Variants in UTRN observed in about 807,000 individuals in gnomAD.
UTRN encodes dystrophin-related protein 1.
UTRN carries 283 observed loss-of-function variants against 463.9 expected under a neutral mutation model. That is an observed-to-expected ratio of 0.61 (90% CI 0.55 to 0.67). The LOEUF is 0.67. Ranked by LOEUF, UTRN falls within the 30% of genes least tolerant of loss-of-function variation. UTRN has a pLI of 0.00. For missense variants in UTRN, 3,922 were observed against 4,084.3 expected (o/e 0.96, Z 1.08); for synonymous variants, 1,442 against 1,431.5 (o/e 1.01, Z -0.17).
At chr6:144,678,336 A>G (rs976689784) in intron 51 of UTRN, 70 bp from the exon 52 acceptor site, 12 of 1,444,242 alleles carry the variant, frequency 8.3e-6, no homozygotes, top group Non-Finnish European at 1.1e-5. Context: ...CTTGAGAGCA[A>G]CTCATCTGTG....
At chr6:144,701,628 C>T (rs576896997) in intron 53 of UTRN, among the ~76,000 whole-genome samples, 5 of 152,210 alleles carry the variant, frequency 3.3e-5, no homozygotes, top group African/African-American at 1.2e-4. Flanking sequence ...GTATTTTTCA[C>T]TCCTCCCATG....
At chr6:144,586,570 A>C (rs1315548638) in intron 51 of UTRN, among the ~76,000 whole-genome samples, 1 of 152,096 alleles carries the variant, frequency 6.6e-6, no homozygotes, top group Non-Finnish European at 1.5e-5. Context: ...TATTGAATTT[A>C]ATTTGTTTTT....
Position 144,678,504 on chromosome 6 carries a change from T to C in UTRN, c.7578T>C (p.Ala2526=), listed in dbSNP as rs778026799. The C allele has an allele frequency of 3.7e-6, 6 of 1,613,282 alleles. No individual in the cohort carries two copies. Among genetic ancestry groups the C allele is most frequent in the Non-Finnish European group, 3.4e-6 (4 of 1,179,566 alleles). The change falls in exon 52 of 75, where the codon GCT becomes GCC. Residue 2526 remains alanine (A), a synonymous_variant. Transcript: ENST00000367545. ...AAGCTTTGGGAAATTCTGAAGAGGCTACTATGCTTCAACATCGACTGGATG... is the reference window on the plus strand; with the variant it reads ...AAGCTTTGGGAAATTCTGAAGAGGCCACTATGCTTCAACATCGACTGGATG... The part of the protein sequence containing the change: ...MVKALGNSEE[A]TMLQHRLDDM...
intron 64 of UTRN, chr6:144,799,539 T>C (rs1777535496): frequency 2.1e-6 from 1 of 470,696 alleles, no homozygotes; most frequent in South Asian, 1.6e-5. Flanking sequence ...CTGGTAGACA[T>C]AGATGTATGG....
intron 2 of UTRN, among the ~76,000 whole-genome samples, chr6:144,317,919 T>C (rs1775385898): frequency 6.6e-6 from 1 of 152,268 alleles, no homozygotes; most frequent in Non-Finnish European, 1.5e-5. Context: ...TTCTGGGCTT[T>C]GTTCTGTCCT....
intron 58 of UTRN, among the ~76,000 whole-genome samples, chr6:144,758,495 T>C (rs970939132): frequency 3.9e-5 from 6 of 152,142 alleles, no homozygotes; most frequent in Non-Finnish European, 7.4e-5. Flanking sequence ...AAGTGAAATA[T>C]TGTCAAGTTT....
intron 66 of UTRN, among the ~76,000 whole-genome samples, chr6:144,825,876 A>G (rs1243356238): frequency 1.3e-5 from 2 of 151,786 alleles, no homozygotes; most frequent in African/African-American, 2.4e-5. Flanking sequence ...TATTTTACAC[A>G]TATGTAAATT....
chr6:144,590,015 C>T (rs1436105141), intron 51 of UTRN, among the ~76,000 whole-genome samples: 2 of 151,892 alleles, frequency 1.3e-5, no homozygotes. Flanking sequence ...TGCCACCACA[C>T]CGGGCTAATT....
intron 21 of UTRN, among the ~76,000 whole-genome samples, chr6:144,460,867 T>G (rs1789336798): frequency 6.6e-6 from 1 of 152,204 alleles, no homozygotes; most frequent in African/African-American, 2.4e-5. Context: ...TTTTATTCTT[T>G]GTGTAGCTGT....
chr6:144,620,828 G>C (rs1032719958), intron 51 of UTRN, among the ~76,000 whole-genome samples: 3 of 152,132 alleles, frequency 2.0e-5, no homozygotes, highest in Non-Finnish European at 4.4e-5. Context: ...GAAACACTGA[G>C]GGAGAAGAAG....
chr6:144,378,700 C>G (rs1184215038), intron 2 of UTRN, among the ~76,000 whole-genome samples: 1 of 152,064 alleles, frequency 6.6e-6, no homozygotes, highest in Non-Finnish European at 1.5e-5. Flanking sequence ...TAGGAGTGGT[C>G]AGATGATTCA....
rs140413817 is a variant in UTRN at position 144,836,446 on chromosome 6, C to A, written c.9970C>A (p.His3324Asn). The A allele has an allele frequency of 1.2e-6, 2 of 1,613,944 alleles. No individual in the cohort carries two copies. Among genetic ancestry groups the A allele is most frequent in the African/African-American group, 2.7e-5 (2 of 74,914 alleles). The change falls in exon 71 of 75, where the codon CAC (histidine) becomes AAC (asparagine). Residue 3324 changes from histidine (H) to asparagine (N), a missense_variant. His to Asn is a moderately conservative substitution (Grantham distance 68). Coordinates refer to ENST00000367545, the MANE Select transcript of UTRN (RefSeq NM_007124.3). The part of the protein sequence containing the change: ...LIAEAKLLRQ[H>N]KGRLEARMQI... ...AGCAGAAGCAAAACTCCTCAGGCAG[C>A]ACAAAGGTCGGCTGGAGGCTAGGAT...
intron 73 of UTRN, among the ~76,000 whole-genome samples, chr6:144,845,684 A>T (rs1781950336): frequency 6.6e-6 from 1 of 152,136 alleles, no homozygotes; most frequent in Non-Finnish European, 1.5e-5. Flanking sequence ...AAGAGTGTGT[A>T]AACCTATGGT....
chr6:144,828,961 AATT>A, intron 69 of UTRN, 106 bp downstream of exon 69: 1 of 1,326,340 alleles, frequency 7.5e-7, no homozygotes, highest in Non-Finnish European at 1.1e-6. Flanking sequence ...TCCCAATCAA[AATT>A]ATTAAGTGTG....
intron 51 of UTRN, among the ~76,000 whole-genome samples, chr6:144,589,532 G>A (rs1489497760): frequency 2.0e-5 from 3 of 152,084 alleles, no homozygotes; most frequent in Non-Finnish European, 4.4e-5. Flanking sequence ...CTCTCTACCT[G>A]TAATTTTAGA....
At chr6:144,289,193 G>A (rs1803990223) in intron 1 of UTRN, among the ~76,000 whole-genome samples, 1 of 152,202 alleles carries the variant, frequency 6.6e-6, no homozygotes, top group Non-Finnish European at 1.5e-5. Flanking sequence ...CTCCCAGCCT[G>A]CTATCCTCAG....
At chr6:144,744,302 A>G (rs1470376456) in intron 54 of UTRN, among the ~76,000 whole-genome samples, 1 of 128,644 alleles carries the variant, frequency 7.8e-6, no homozygotes, top group African/African-American at 3.4e-5. Context: ...AAAATGGTGT[A>G]TACATATATA....
intron 73 of UTRN, among the ~76,000 whole-genome samples, chr6:144,845,249 A>C (rs1416457418): frequency 6.6e-6 from 1 of 152,274 alleles, no homozygotes; most frequent in East Asian, 1.9e-4. Context: ...GTACTTACTA[A>C]AATTCCCACT....
intron 46 of UTRN, among the ~76,000 whole-genome samples, chr6:144,547,814 A>G (rs1228527195): frequency 1.3e-5 from 2 of 152,216 alleles, no homozygotes; most frequent in African/African-American, 4.8e-5. Context: ...TCTCTTCAAT[A>G]TTAATTTTAT....
Sources: gnomAD v4.1 joint callset for allele counts (sites outside exome capture counted in the v4.1 genomes callset) on GRCh38, gnomAD v4.1.1 for gene constraint, MANE v1.5 for transcripts, NCBI Gene and HGNC (gene_info 2026-07-23, HGNC 2026-07-21) for gene names.